The following PHTF2 variants were observed in gnomAD, a reference collection of about 807,000 sequenced individuals.
PHTF2 encodes putative homeodomain transcription factor 2, also known as protein PHTF2.
Under a neutral mutation model 101.2 loss-of-function variants are expected in PHTF2, and 60 were observed. The ratio of observed to expected loss-of-function variants is 0.59; its 90% confidence interval spans 0.48 to 0.73. The LOEUF (loss-of-function observed/expected upper bound fraction) is 0.73, where lower values mean the gene tolerates loss of function less well. Ranked by LOEUF, PHTF2 falls within the 30% of genes least tolerant of loss-of-function variation. PHTF2 has a pLI of 0.00. For missense variants in PHTF2, 747 were observed against 908.7 expected, an observed-to-expected ratio of 0.82 and a Z score of 2.29; for synonymous variants, 311 against 307.3, an observed-to-expected ratio of 1.01 and a Z score of -0.13.
chr7:77,817,401 A>C (rs1793932947), intron 1 of PHTF2, among the ~76,000 whole-genome samples: 1 of 152,214 alleles, frequency 6.6e-6, no homozygotes, highest in African/African-American at 2.4e-5. Flanking sequence ...ATTGACTCAC[A>C]GTTGAGCATG....
chr7:77,858,279 C>T (rs760224098), intron 3 of PHTF2, among the ~76,000 whole-genome samples: 1 of 152,122 alleles, frequency 6.6e-6, no homozygotes, highest in Non-Finnish European at 1.5e-5. Context: ...ACACTGTCTC[C>T]AGTTTGGGTA....
At chr7:77,847,356 T>C (rs889453546) in intron 2 of PHTF2, among the ~76,000 whole-genome samples, 2 of 152,066 alleles carry the variant, frequency 1.3e-5, no homozygotes, top group African/African-American at 4.8e-5. Context: ...TAAACTACCA[T>C]GCTTTATAGT....
chr7:77,871,336 G>T (rs1268165070), intron 3 of PHTF2, among the ~76,000 whole-genome samples: 1 of 152,090 alleles, frequency 6.6e-6, no homozygotes, highest in African/African-American at 2.4e-5. Context: ...CATCTTGATA[G>T]TCCAGGCCAA....
At chr7:77,871,424 C>G (rs997990820) in intron 3 of PHTF2, among the ~76,000 whole-genome samples, 63 of 152,288 alleles carry the variant, frequency 4.1e-4, no homozygotes, top group Non-Finnish European at 2.8e-4. Flanking sequence ...TCTTAACTTC[C>G]AGTTTAATGG....
chr7:77,903,181 T>G (rs1458745979), intron 7 of PHTF2, among the ~76,000 whole-genome samples: 1 of 152,196 alleles, frequency 6.6e-6, no homozygotes, highest in Admixed American at 6.5e-5. Flanking sequence ...ATTGGGCAGT[T>G]AAGCTGATTG....
intron 1 of PHTF2, among the ~76,000 whole-genome samples, chr7:77,820,117 G>A (rs561782806): frequency 2.6e-5 from 4 of 152,198 alleles, no homozygotes; most frequent in Non-Finnish European, 4.4e-5. Flanking sequence ...TCAAACTCTC[G>A]ACCTCAGATG....
At chr7:77,929,947 A>G (rs922346527) in intron 12 of PHTF2, among the ~76,000 whole-genome samples, 1 of 122,158 alleles carries the variant, frequency 8.2e-6, no homozygotes, top group Non-Finnish European at 1.7e-5. Context: ...GACTAGCCAC[A>G]TTTTTTTTTT....
At chr7:77,828,729 G>T (rs888951081) in intron 1 of PHTF2, among the ~76,000 whole-genome samples, 12 of 152,072 alleles carry the variant, frequency 7.9e-5, no homozygotes, top group African/African-American at 2.9e-4. Context: ...TTAGCTGGGC[G>T]TGGTGGTGCG....
chr7:77,920,406 A>G (rs1274346897), exon 10 of PHTF2: 3 of 1,613,712 alleles, frequency 1.9e-6, no homozygotes, highest in Non-Finnish European at 1.7e-6. Flanking sequence ...TCAGTGTGAA[A>G]CTATTCGACC....
intron 11 of PHTF2, chr7:77,923,014 A>G (rs1201447449): frequency 1.7e-6 from 2 of 1,183,032 alleles, no homozygotes; most frequent in Middle Eastern, 3.5e-4. Flanking sequence ...GAAGACTCAT[A>G]CATTGTTTGT....
chr7:77,904,386 A>G (rs140068541), intron 7 of PHTF2, among the ~76,000 whole-genome samples: 3 of 152,304 alleles, frequency 2.0e-5, no homozygotes, highest in African/African-American at 4.8e-5. Context: ...TAACTCCCCA[A>G]TGTAGTTACA....
intron 11 of PHTF2, chr7:77,923,589 T>C: frequency 1.0e-6 from 1 of 985,510 alleles, no homozygotes; most frequent in African/African-American, 1.7e-5. Flanking sequence ...GTGGTTTTGT[T>C]TCTTTTCCCA....
chr7:77,881,559 T>C (rs1302576130), intron 3 of PHTF2, among the ~76,000 whole-genome samples: 1 of 151,826 alleles, frequency 6.6e-6, no homozygotes, highest in Non-Finnish European at 1.5e-5. Flanking sequence ...TTTGTAGAGA[T>C]AGGCTTTCGC....
chr7:77,846,086 A>C (rs1021183453), intron 2 of PHTF2, among the ~76,000 whole-genome samples: 5 of 152,198 alleles, frequency 3.3e-5, no homozygotes, highest in African/African-American at 1.2e-4. Flanking sequence ...CCTTGAGAAG[A>C]AAGGATGTGT....
Position 77,929,101 on chromosome 7 carries a change from G to A in PHTF2, c.1120-8G>A, listed in dbSNP as rs762084148. On this transcript the variant is annotated splice_polypyrimidine_tract_variant and splice_region_variant and intron_variant, in intron 11 of 19. Coordinates refer to ENST00000416283, the Ensembl canonical transcript of PHTF2. ...TTGTATTAATGTCAAAGAATATCTT[G>A]ATTTCAGGACGCCCCTAAATCGGGT... 1 of 1,603,622 alleles carries A rather than the reference G, an allele frequency of 6.2e-7. No individual in the cohort carries two copies. Among genetic ancestry groups the A allele is most frequent in the South Asian group, 1.1e-5 (1 of 90,514 alleles).
At chr7:77,823,156 G>A (rs893899195) in intron 1 of PHTF2, among the ~76,000 whole-genome samples, 53 of 151,906 alleles carry the variant, frequency 3.5e-4, no homozygotes, top group Admixed American at 1.2e-3. Flanking sequence ...CACCCGCCTC[G>A]GCCTCCCAAA....
intron 9 of PHTF2, 62 bp downstream of exon 8, chr7:77,910,471 C>A: frequency 8.6e-7 from 1 of 1,161,388 alleles, no homozygotes. Context: ...TCTGGCACTT[C>A]AGTCTCAGGT....
intron 1 of PHTF2, among the ~76,000 whole-genome samples, chr7:77,828,800 G>C (rs1025182842): frequency 6.6e-6 from 1 of 151,900 alleles, no homozygotes; most frequent in Non-Finnish European, 1.5e-5. Flanking sequence ...CCCAGGAGGC[G>C]GCAGTTTCAG....
chr7:77,901,872 A>T, exon 7 of PHTF2: 1 of 1,602,824 alleles, frequency 6.2e-7, no homozygotes, highest in Non-Finnish European at 8.5e-7. Flanking sequence ...GTTACAAGTA[A>T]CATCAAAGGT....
Sources: allele counts gnomAD v4.1 joint callset (sites outside exome capture counted in the v4.1 genomes callset), GRCh38; gene constraint gnomAD v4.1.1; transcripts MANE v1.5; gene names NCBI Gene and HGNC (gene_info 2026-07-23, HGNC 2026-07-21).